Variants in CEP85L observed in about 807,000 individuals in gnomAD.
The protein encoded by CEP85L is centrosomal protein of 85 kDa-like.
CEP85L carries 60 observed loss-of-function variants against 100.3 expected under a neutral mutation model. The observed-to-expected ratio is 0.60, with a 90% confidence interval of 0.49 to 0.74. The LOEUF (loss-of-function observed/expected upper bound fraction) is 0.74. CEP85L is among the 30% of genes least tolerant of loss of function. The pLI is 0.00. For synonymous variants in CEP85L, 319 were observed against 322.7 expected (o/e 0.99, Z 0.12); for missense variants, 973 against 936.2 (o/e 1.04, Z -0.51).
intron 1 of CEP85L, among the ~76,000 whole-genome samples, chr6:118,645,779 T>A (rs1164954603): frequency 1.3e-5 from 2 of 152,178 alleles, no homozygotes; most frequent in Non-Finnish European, 2.9e-5. Flanking sequence ...CAATGATGTA[T>A]CCCCAGAGGC....
At chr6:118,521,266 A>G (rs578134658) in intron 4 of CEP85L, among the ~76,000 whole-genome samples, 4 of 152,322 alleles carry the variant, frequency 2.6e-5, no homozygotes, top group African/African-American at 9.6e-5. Flanking sequence ...TGCTTCTTCA[A>G]AAACAGAAAT....
At chr6:118,554,422 T>C (rs1304779273) in intron 3 of CEP85L, among the ~76,000 whole-genome samples, 4 of 152,200 alleles carry the variant, frequency 2.6e-5, no homozygotes, top group Non-Finnish European at 4.4e-5. Flanking sequence ...GTTGGAATTA[T>C]AGATGTGAGC....
intron 5 of CEP85L, among the ~76,000 whole-genome samples, chr6:118,505,409 CAAAAAAAAAA>C (rs56893664): frequency 1.5e-3 from 106 of 71,818 alleles, no homozygotes; most frequent in East Asian, 2.6e-3. Context: ...TCACTGTACT[CAAAAAAAAAA>C]AAAAAAAAAA....
chr6:118,547,642 T>C (rs1361599219), intron 3 of CEP85L, among the ~76,000 whole-genome samples: 1 of 152,120 alleles, frequency 6.6e-6, no homozygotes, highest in African/African-American at 2.4e-5. Flanking sequence ...TAAATATAAG[T>C]ATTACTATTC....
intron 4 of CEP85L, among the ~76,000 whole-genome samples, chr6:118,520,066 C>G (rs1199033061): frequency 5.9e-5 from 9 of 152,096 alleles, no homozygotes; most frequent in Non-Finnish European, 4.4e-5. Context: ...CTAAAAAAGG[C>G]AACTACGAAA....
chr6:118,564,569 T>C (rs1016175002), intron 3 of CEP85L, among the ~76,000 whole-genome samples: 4 of 152,220 alleles, frequency 2.6e-5, no homozygotes, highest in South Asian at 2.1e-4. Context: ...CCTATGAATG[T>C]AGTATGTTAG....
intron 2 of CEP85L, among the ~76,000 whole-genome samples, chr6:118,592,417 G>C (rs1465672663): frequency 2.1e-5 from 3 of 143,278 alleles, no homozygotes; most frequent in Non-Finnish European, 4.5e-5. Context: ...TTTAAAATAA[G>C]TTATATATAA....
At chr6:118,489,700 T>C (rs1351391504) in intron 6 of CEP85L, among the ~76,000 whole-genome samples, 1 of 152,120 alleles carries the variant, frequency 6.6e-6, no homozygotes, top group Non-Finnish European at 1.5e-5. Flanking sequence ...GGTGGAAATG[T>C]AGAATGATAC....
chr6:118,675,378 T>A (rs1241937308), intron 1 of CEP85L, among the ~76,000 whole-genome samples: 3 of 152,048 alleles, frequency 2.0e-5, no homozygotes, highest in African/African-American at 7.2e-5. Context: ...CTATGGGGTT[T>A]CCTTTGTGGA....
Position 118,481,221 on chromosome 6 carries a change from C to T in CEP85L, c.1745+558G>A, listed in dbSNP as rs116902617. Reference sequence around the variant, plus strand: ...TTGAGTATTTTACTGGCCCCTTTTTCGTTATTTAGAATTTTTACTTTTTTT... The same window carrying T: ...TTGAGTATTTTACTGGCCCCTTTTTTGTTATTTAGAATTTTTACTTTTTTT... On this transcript the variant is annotated intron_variant, in intron 8 of 12. Transcript: ENST00000368491. Among the ~76,000 whole-genome samples, 1,340 of 150,028 alleles carry T rather than the reference C, an allele frequency of 8.9e-3. 22 individuals are homozygous for T. The highest frequency in any genetic ancestry group is 0.039 in the East Asian group (197 of 5,102).
At chr6:118,507,417 C>T (rs764577908) in intron 5 of CEP85L, among the ~76,000 whole-genome samples, 10 of 152,154 alleles carry the variant, frequency 6.6e-5, no homozygotes, top group Non-Finnish European at 1.3e-4. Context: ...CCTCCAATAA[C>T]ATCTACCTTA....
intron 1 of CEP85L, among the ~76,000 whole-genome samples, chr6:118,650,669 C>G (rs1316918893): frequency 6.6e-6 from 1 of 152,200 alleles, no homozygotes; most frequent in Non-Finnish European, 1.5e-5. Flanking sequence ...CAGCATCCTC[C>G]CTCCCGAAAA....
chr6:118,542,917 A>C (rs112022058), intron 3 of CEP85L, among the ~76,000 whole-genome samples: 29 of 150,190 alleles, frequency 1.9e-4, no homozygotes, highest in East Asian at 3.9e-4. Context: ...AAAAAAAAAA[A>C]AAAAAACAGG....
At chr6:118,700,019 T>C (rs964050246) in intron 1 of CEP85L, among the ~76,000 whole-genome samples, 1 of 152,218 alleles carries the variant, frequency 6.6e-6, no homozygotes, top group Non-Finnish European at 1.5e-5. Flanking sequence ...TATAGGAGCA[T>C]GCCCACCTTA....
At chr6:118,650,911 G>A (rs1281039545) in intron 1 of CEP85L, among the ~76,000 whole-genome samples, 2 of 152,218 alleles carry the variant, frequency 1.3e-5, no homozygotes, top group East Asian at 3.9e-4. Context: ...AGACAATAAA[G>A]CCCAACCCGC....
intron 12 of CEP85L, among the ~76,000 whole-genome samples, chr6:118,468,195 A>C (rs529020476): frequency 4.6e-4 from 70 of 152,340 alleles, no homozygotes; most frequent in African/African-American, 1.6e-3. Flanking sequence ...TACTTTGGTC[A>C]AGAGCATTAT....
intron 1 of CEP85L, among the ~76,000 whole-genome samples, chr6:118,659,450 T>C (rs1775901814): frequency 6.6e-6 from 1 of 152,218 alleles, no homozygotes; most frequent in African/African-American, 2.4e-5. Flanking sequence ...ACTTCAGCTT[T>C]AGCAAAGTTG....
rs117151264 is a variant in CEP85L at position 118,666,965 on chromosome 6, A to G, written c.-27-14157T>C. 2.0e-4 allele frequency among the ~76,000 whole-genome samples: 30 copies of G among 152,312 alleles called. No individual in the cohort carries two copies. The East Asian group carries it at 5.2e-3, about 26-fold the overall frequency. ...TTTATAATGGCTGCTTTCAAAACCA[A>G]TCAGGTAATTCAGTCTTTTCTTGCT... On this transcript the variant is annotated intron_variant, in intron 1 of 13. Transcript: ENST00000368488.
intron 3 of CEP85L, chr6:118,560,828 T>G (rs192785931): frequency 6.5e-6 from 1 of 153,410 alleles, no homozygotes; most frequent in East Asian, 1.9e-4. Flanking sequence ...CAAACTTTGG[T>G]AATTTAAGTT....
Sources: allele counts gnomAD v4.1 joint callset (sites outside exome capture counted in the v4.1 genomes callset), GRCh38; gene constraint gnomAD v4.1.1; transcripts MANE v1.5; gene names NCBI Gene and HGNC (gene_info 2026-07-23, HGNC 2026-07-21).